Variants in BPTF observed in about 807,000 individuals in gnomAD.
BPTF encodes the protein nucleosome-remodeling factor subunit BPTF.
In BPTF, 18 loss-of-function variants were observed where a neutral mutation model predicts 292.5. The ratio of observed to expected loss-of-function variants is 0.06; its 90% CI spans 0.04 to 0.09. BPTF has a LOEUF of 0.09. BPTF is among the 10% of genes least tolerant of loss of function. The pLI is 1.00. For missense variants in BPTF, 2,726 were observed against 3,498.7 expected, an observed-to-expected ratio of 0.78 and a Z score of 5.57; for synonymous variants, 1,225 against 1,251.9, an observed-to-expected ratio of 0.98 and a Z score of 0.45.
At chr17:67,861,073 C>T in intron 2 of BPTF, among the ~76,000 whole-genome samples, 1 of 152,178 alleles carries the variant, frequency 6.6e-6, no homozygotes, top group Non-Finnish European at 1.5e-5. Context: ...TGTTTAAAAC[C>T]AAACTCATCG....
At chr17:67,959,228 AAG>A (rs1302954039) in intron 23 of BPTF, among the ~76,000 whole-genome samples, 1 of 151,404 alleles carries the variant, frequency 6.6e-6, no homozygotes, top group Non-Finnish European at 1.5e-5. Context: ...CAACCACAGA[AAG>A]AGCCCAGATG....
rs782084527 is a variant in BPTF at position 67,944,349 on chromosome 17, C to T, written c.6677C>T (p.Thr2226Ile). 3 of 1,613,538 alleles carry T rather than the reference C, an allele frequency of 1.9e-6. No homozygotes were observed. The East Asian group carries it at 6.7e-5, about 36-fold the overall frequency. The part of the protein sequence containing the change: ...TTATTASTTT[T>I]TVSTTAAGTG... Reference sequence around the variant, plus strand: ...GCCACCACAGCCAGCACCACCACCACCACTGTTTCCACGACAGCAGCAGGT... The same window carrying T: ...GCCACCACAGCCAGCACCACCACCATCACTGTTTCCACGACAGCAGCAGGT... The change falls in exon 20 of 28, where the codon ACC (threonine) becomes ATC (isoleucine). Residue 2226 changes from threonine to isoleucine, a missense_variant. Coordinates refer to ENST00000306378, the MANE Select transcript of BPTF (RefSeq NM_182641.4).
intron 2 of BPTF, among the ~76,000 whole-genome samples, chr17:67,857,888 A>G (rs2058812798): frequency 6.7e-6 from 1 of 150,316 alleles, no homozygotes. Flanking sequence ...CCCAGGTTCA[A>G]GCGATTCTCC....
chr17:67,838,365 AT>A (rs1385255510), intron 1 of BPTF, among the ~76,000 whole-genome samples: 1 of 152,090 alleles, frequency 6.6e-6, no homozygotes, highest in East Asian at 1.9e-4. Context: ...TTTAAATTTT[AT>A]TTTTGCTTCT....
rs774627665 is a variant in BPTF, at chr17:67,912,399, A to G, written c.4515A>G (p.Pro1505=). 3.7e-6 allele frequency: 6 copies of G among 1,614,036 alleles called. No individual in the cohort carries two copies. The highest frequency in any genetic ancestry group is 4.5e-5 in the East Asian group (2 of 44,892). Residue 1505 remains proline, a synonymous_variant, in exon 11 of 28, where the codon CCA becomes CCG. Coordinates refer to ENST00000306378, the MANE Select transcript of BPTF (RefSeq NM_182641.4). ...ACCGAGATAGCCTTGAGACCCTGCCATCAACCAAAGAGTCTGACAGTACAC... is the reference window on the plus strand; with the variant it reads ...ACCGAGATAGCCTTGAGACCCTGCCGTCAACCAAAGAGTCTGACAGTACAC... ...GNYRDSLETL[P]STKESDSTQT...
At chr17:67,872,211 T>C (rs1426235125) in intron 3 of BPTF, among the ~76,000 whole-genome samples, 1 of 152,262 alleles carries the variant, frequency 6.6e-6, no homozygotes, top group Non-Finnish European at 1.5e-5. Context: ...TGTATATGTG[T>C]ATTTAACAAT....
rs376585771 is a variant in BPTF, at chr17:67,912,227, C to T, written c.4343C>T (p.Pro1448Leu). ...PKVNNINKII[P>L]ENDIKSLTVK... ...GTTAATAATATAAATAAAATAATCC[C>T]TGAGAATGATATTAAATCATTGACT... The change falls in exon 11 of 28, where the codon CCT (proline) becomes CTT (leucine). Residue 1448 changes from proline (P) to leucine (L), a missense_variant. Pro to Leu is a moderately conservative substitution (Grantham distance 98). This residue lies in a region of BPTF where 713 missense variants were observed against 714.9 expected (regional missense o/e 1.00). Transcript: ENST00000306378. 4.4e-5 allele frequency: 71 copies of T among 1,609,466 alleles called. No individual in the cohort carries two copies. The highest frequency in any genetic ancestry group is 3.2e-5 in the Non-Finnish European group (38 of 1,177,854).
rs1568145161 is a variant in BPTF at position 67,946,230 on chromosome 17, A to G, written c.7522A>G (p.Arg2508Gly). ...QEQLQRVQQLRDQQQKKKQQQ... is the reference protein window; with the variant it reads ...QEQLQRVQQLGDQQQKKKQQQ... Reference sequence around the variant, plus strand: ...GCAGTTGCAAAGGGTTCAGCAACTCAGGGATCAGCAGCAAAAGAAGAAACA... The same window carrying G: ...GCAGTTGCAAAGGGTTCAGCAACTCGGGGATCAGCAGCAAAAGAAGAAACA... The change falls in exon 21 of 28, where the codon AGG becomes GGG. Residue 2508 changes from arginine (R) to glycine (G), a missense_variant. Around this residue, in one of 22 missense-constraint regions of BPTF, gnomAD observed 570 missense variants for 633.5 expected, o/e 0.90. Transcript: ENST00000306378. 2 of 1,614,264 alleles carry G rather than the reference A, an allele frequency of 1.2e-6. No individual in the cohort carries two copies. Among genetic ancestry groups the G allele is most frequent in the Non-Finnish European group, 1.7e-6 (2 of 1,180,042 alleles).
intron 4 of BPTF, among the ~76,000 whole-genome samples, chr17:67,875,362 A>G (rs1416096183): frequency 6.6e-6 from 1 of 152,156 alleles, no homozygotes; most frequent in African/African-American, 2.4e-5. Context: ...AGCATTCTTA[A>G]TATATTATTA....
At chr17:67,839,000 T>G (rs1325566987) in intron 1 of BPTF, among the ~76,000 whole-genome samples, 2 of 152,202 alleles carry the variant, frequency 1.3e-5, no homozygotes, top group African/African-American at 4.8e-5. Context: ...TGGAATAATT[T>G]TACTCTAGGA....
rs2065757493 is a variant in BPTF, at chr17:67,945,703, A to C, written c.6995A>C (p.Gln2332Pro). ...KPQVAAQSQP[Q>P]SNVQGQSPVR... is the part of the protein sequence containing the mutation. Reference sequence around the variant, plus strand: ...CAAGTTGCAGCACAGTCTCAGCCTCAAAGTAATGTCCAAGGACAGTCTCCT... The same window carrying C: ...CAAGTTGCAGCACAGTCTCAGCCTCCAAGTAATGTCCAAGGACAGTCTCCT... Residue 2332 changes from glutamine (Q) to proline (P), a missense_variant, in exon 21 of 28, where the codon CAA (glutamine) becomes CCA (proline). Gln to Pro is a moderately conservative substitution (Grantham distance 76). Coordinates refer to ENST00000306378, the MANE Select transcript of BPTF (RefSeq NM_182641.4). 7 of 1,614,162 alleles carry C rather than the reference A, an allele frequency of 4.3e-6. No individual in the cohort carries two copies. Among genetic ancestry groups the C allele is most frequent in the Non-Finnish European group, 5.9e-6 (7 of 1,180,036 alleles).
intron 18 of BPTF, among the ~76,000 whole-genome samples, chr17:67,938,091 C>G (rs1268270186): frequency 6.6e-6 from 1 of 152,208 alleles, no homozygotes; most frequent in African/African-American, 2.4e-5. Flanking sequence ...GGCAATAGAG[C>G]GAGACTTCAC....
Position 67,959,686 on chromosome 17 carries a change from C to T in BPTF, c.8072C>T (p.Pro2691Leu). 6.2e-7 allele frequency: 1 copy of T among 1,613,924 alleles called. No individual in the cohort carries two copies. Among genetic ancestry groups the T allele is most frequent in the Admixed American group, 1.7e-5 (1 of 59,946 alleles). ...CCTCCACCTTCACCTCCCCCTCCAC[C>T]TGCTGTGCAACACACAGGCCTTCTG... ...PAPPPSPPPPPAVQHTGLLST... is the reference protein window; with the variant it reads ...PAPPPSPPPPLAVQHTGLLST... Residue 2691 changes from proline (P) to leucine (L), a missense_variant, in exon 24 of 28, where the codon CCT becomes CTT. Around this residue, in one of 22 missense-constraint regions of BPTF, gnomAD observed 148 missense variants for 145.5 expected, o/e 1.02. Coordinates refer to ENST00000306378, the MANE Select transcript of BPTF (RefSeq NM_182641.4).
Position 67,869,988 on chromosome 17 carries a change from C to T in BPTF, c.1660+3301C>T, listed in dbSNP as rs545377100. Among the ~76,000 whole-genome samples, 65 of 125,826 alleles carry T rather than the reference C, an allele frequency of 5.2e-4. No homozygotes were observed. In the East Asian group the frequency reaches 0.013, roughly 25 times the overall value. 82.5% of individuals were successfully genotyped at this position (125,826 alleles called of 152,430 possible). Reference sequence around the variant, plus strand: ...GCACTCCAGCCTGGGCGACACAGAGCGAGACTCCGTCTCAAAAAAAAAAAA... The same window carrying T: ...GCACTCCAGCCTGGGCGACACAGAGTGAGACTCCGTCTCAAAAAAAAAAAA... On this transcript the variant is annotated intron_variant, in intron 3 of 27. Coordinates refer to ENST00000306378, the MANE Select transcript of BPTF (RefSeq NM_182641.4).
intron 1 of BPTF, among the ~76,000 whole-genome samples, chr17:67,847,929 G>T (rs1335096323): frequency 6.6e-6 from 1 of 152,112 alleles, no homozygotes; most frequent in African/African-American, 2.4e-5. Flanking sequence ...TCTTCTTGAT[G>T]TGCCATTCAT....
intron 3 of BPTF, 68 bp from the exon 4 acceptor site, chr17:67,874,749 A>G (rs2059951150): frequency 2.0e-6 from 2 of 1,019,792 alleles, no homozygotes; most frequent in Admixed American, 2.3e-5. Context: ...CTCGTAAGTG[A>G]CATTTGTGGT....
At chr17:67,962,971 CT>C (rs1350898014) in intron 24 of BPTF, among the ~76,000 whole-genome samples, 9 of 152,168 alleles carry the variant, frequency 5.9e-5, no homozygotes, top group African/African-American at 2.2e-4. Context: ...AGATGTAAGT[CT>C]TTGATTCTTT....
At chr17:67,972,133 C>G (rs548880095) in intron 26 of BPTF, among the ~76,000 whole-genome samples, 6 of 152,170 alleles carry the variant, frequency 3.9e-5, no homozygotes, top group African/African-American at 1.4e-4. Flanking sequence ...GCTAATTTGG[C>G]AAAGAAAGTG....
At chr17:67,869,509 CTG>C (rs1237498619) in intron 3 of BPTF, among the ~76,000 whole-genome samples, 1 of 152,078 alleles carries the variant, frequency 6.6e-6, no homozygotes, top group African/African-American at 2.4e-5. Flanking sequence ...CTTGCAAAAA[CTG>C]TGTGAGATAC....
Sources: gnomAD v4.1 joint callset for allele counts (sites outside exome capture counted in the v4.1 genomes callset) on GRCh38, gnomAD v4.1.1 for gene constraint, gnomAD v4.1.1 regional missense constraint, MANE v1.5 for transcripts, NCBI Gene and HGNC (gene_info 2026-07-23, HGNC 2026-07-21) for gene names.